Variants in TMEM132D observed in about 807,000 individuals in gnomAD.
TMEM132D encodes transmembrane protein 132D.
A neutral mutation model predicts 62.3 loss-of-function variants in TMEM132D; 21 were observed. The observed-to-expected ratio is 0.34, with a 90% CI of 0.24 to 0.49. The LOEUF (loss-of-function observed/expected upper bound fraction) is 0.49. TMEM132D is among the 20% of genes least tolerant of loss of function. The pLI is 0.99. For synonymous variants in TMEM132D, 621 were observed against 575.6 expected, an observed-to-expected ratio of 1.08 and a Z score of -1.13; for missense variants, 1,346 against 1,402.8, an observed-to-expected ratio of 0.96 and a Z score of 0.65.
intron 1 of TMEM132D, among the ~76,000 whole-genome samples, chr12:129,838,025 G>A (rs1264756862): frequency 6.6e-6 from 1 of 152,114 alleles, no homozygotes; most frequent in African/African-American, 2.4e-5. Flanking sequence ...TTAAATAGCT[G>A]CCCCACCAAA....
intron 4 of TMEM132D, among the ~76,000 whole-genome samples, chr12:129,305,342 G>A (rs67722874): frequency 1.3e-5 from 2 of 152,080 alleles, no homozygotes; most frequent in South Asian, 2.1e-4. Flanking sequence ...ATACACATCT[G>A]ATATTTAGGA....
chr12:129,338,577 T>C (rs749052860), intron 3 of TMEM132D, among the ~76,000 whole-genome samples: 7 of 152,058 alleles, frequency 4.6e-5, no homozygotes, highest in Admixed American at 3.9e-4. Context: ...GGTAGAAAAA[T>C]GTAGATTTGG....
chr12:129,885,233 G>C (rs576307531), intron 1 of TMEM132D, among the ~76,000 whole-genome samples: 3 of 152,302 alleles, frequency 2.0e-5, no homozygotes, highest in African/African-American at 7.2e-5. Flanking sequence ...AAAATTCACA[G>C]AACTGTTCAA....
At chr12:129,353,423 A>C (rs749493307) in intron 3 of TMEM132D, among the ~76,000 whole-genome samples, 1 of 152,138 alleles carries the variant, frequency 6.6e-6, no homozygotes, top group Non-Finnish European at 1.5e-5. Flanking sequence ...AGGAACCCAA[A>C]CTGTTCAAAC....
At chr12:129,829,091 C>G (rs1872752358) in intron 1 of TMEM132D, among the ~76,000 whole-genome samples, 1 of 151,982 alleles carries the variant, frequency 6.6e-6, no homozygotes, top group South Asian at 2.1e-4. Flanking sequence ...CAAACAAGCC[C>G]AAAGATGGCT....
chr12:129,607,519 G>A (rs745649674), intron 2 of TMEM132D, among the ~76,000 whole-genome samples: 5 of 152,130 alleles, frequency 3.3e-5, no homozygotes, highest in Non-Finnish European at 2.9e-5. Flanking sequence ...TTCATTTTTA[G>A]CATAGACTAT....
chr12:129,453,460 A>AT (rs1442515776), intron 3 of TMEM132D, among the ~76,000 whole-genome samples: 1 of 152,178 alleles, frequency 6.6e-6, no homozygotes, highest in African/African-American at 2.4e-5. Flanking sequence ...TAACAGCACA[A>AT]TTTTTATATT....
intron 1 of TMEM132D, among the ~76,000 whole-genome samples, chr12:129,830,585 T>C (rs1448474980): frequency 6.6e-6 from 1 of 152,092 alleles, no homozygotes; most frequent in Non-Finnish European, 1.5e-5. Context: ...CCTTCTTCCA[T>C]AAATTGATTG....
At chr12:129,699,683 G>T in intron 2 of TMEM132D, 127 bp downstream of exon 2, 2 of 1,207,926 alleles carry the variant, frequency 1.7e-6, no homozygotes, top group Non-Finnish European at 2.3e-6. Flanking sequence ...TGCAGATGGA[G>T]TTTGTAAGAA....
chr12:129,722,928 G>T (rs965314896), intron 1 of TMEM132D, among the ~76,000 whole-genome samples: 4 of 151,866 alleles, frequency 2.6e-5, no homozygotes, highest in African/African-American at 9.7e-5. Context: ...TTTTAGTAGA[G>T]ATGGGGTTTC....
rs184224271 is a variant in TMEM132D, at chr12:129,740,441, G to A, written c.80-39743C>T. On this transcript the variant is annotated intron_variant, in intron 1 of 8. Transcript: ENST00000422113. The stretch of plus-strand genomic sequence containing the variant: ...TGCATTATCCATTTAAATGGATAAT[G>A]CAAGGTATTTGCCTGAAGGTGGTCA... Among the ~76,000 whole-genome samples the A allele has an allele frequency of 1.9e-3, 293 of 152,254 alleles. 1 individual carries two copies. Among genetic ancestry groups the A allele is most frequent in the African/African-American group, 6.0e-3 (250 of 41,560 alleles).
chr12:129,126,710 T>G (rs1565972518), intron 5 of TMEM132D, among the ~76,000 whole-genome samples: 1 of 152,190 alleles, frequency 6.6e-6, no homozygotes. Context: ...GGGTTCTGCT[T>G]TAATACATTT....
intron 5 of TMEM132D, among the ~76,000 whole-genome samples, chr12:129,134,850 G>C (rs1246032404): frequency 6.6e-6 from 1 of 152,108 alleles, no homozygotes; most frequent in African/African-American, 2.4e-5. Flanking sequence ...GATATCTATT[G>C]GCACATGTCA....
chr12:129,469,713 T>C (rs1207695704), intron 3 of TMEM132D, among the ~76,000 whole-genome samples: 1 of 152,116 alleles, frequency 6.6e-6, no homozygotes, highest in Admixed American at 6.6e-5. Context: ...AAAAAGGAGA[T>C]TTTAGAAAAC....
intron 4 of TMEM132D, among the ~76,000 whole-genome samples, chr12:129,307,457 A>C (rs534296511): frequency 6.6e-6 from 1 of 152,206 alleles, no homozygotes; most frequent in African/African-American, 2.4e-5. Context: ...TATGATTTAA[A>C]TGGAGTTTAA....
chr12:129,660,403 G>T (rs1228556488), intron 2 of TMEM132D, among the ~76,000 whole-genome samples: 1 of 151,948 alleles, frequency 6.6e-6, no homozygotes, highest in Non-Finnish European at 1.5e-5. Flanking sequence ...TCCTCTGCTG[G>T]CCTCTCATGC....
chr12:129,697,000 CACGCATACAAAT>C (rs1478127502), intron 2 of TMEM132D, among the ~76,000 whole-genome samples: 4 of 152,202 alleles, frequency 2.6e-5, no homozygotes, highest in Non-Finnish European at 4.4e-5. Context: ...TGCATATATA[CACGCATACAAAT>C]ACACACACAG....
intron 3 of TMEM132D, among the ~76,000 whole-genome samples, chr12:129,500,117 ACT>A (rs1246069169): frequency 4.1e-5 from 5 of 121,042 alleles, no homozygotes; most frequent in South Asian, 2.7e-4. Flanking sequence ...TCTGTCCCCC[ACT>A]TCAGTCGATT....
intron 1 of TMEM132D, among the ~76,000 whole-genome samples, chr12:129,736,028 C>CT (rs1869412521): frequency 6.6e-6 from 1 of 152,216 alleles, no homozygotes. Flanking sequence ...ATGTCACACA[C>CT]TTTGCTTCCC....
Sources: gnomAD v4.1 joint callset for allele counts (sites outside exome capture counted in the v4.1 genomes callset) on GRCh38, gnomAD v4.1.1 for gene constraint, MANE v1.5 for transcripts, NCBI Gene and HGNC (gene_info 2026-07-23, HGNC 2026-07-21) for gene names.